PSG2: variants seen among roughly 807,000 people sequenced by gnomAD.
PSG2 encodes pregnancy-specific beta-1-glycoprotein 2.
PSG2 carries 49 observed loss-of-function variants against 36.2 expected under a neutral mutation model. The ratio of observed to expected loss-of-function variants is 1.35; its 90% CI spans 1.08 to 1.72. PSG2 has a LOEUF of 1.72. Ranked by LOEUF, PSG2 falls within the 40% of genes most tolerant of loss-of-function variation. PSG2 has a pLI of 0.00. For missense variants in PSG2, 605 were observed against 407.2 expected, an observed-to-expected ratio of 1.49 and a Z score of -4.18; for synonymous variants, 261 against 155.6, an observed-to-expected ratio of 1.68 and a Z score of -5.04.
chr19:43,067,372 G>T (rs567534507), intron 4 of PSG2, among the ~76,000 whole-genome samples: 12 of 150,556 alleles, frequency 8.0e-5, no homozygotes, highest in Non-Finnish European at 1.3e-4. Flanking sequence ...TTGATTCTTT[G>T]CCCTTAGCTT....
At chr19:43,080,053 T>C (rs1482423999) in intron 2 of PSG2, among the ~76,000 whole-genome samples, 1 of 151,772 alleles carries the variant, frequency 6.6e-6, no homozygotes, top group Non-Finnish European at 1.5e-5. Context: ...TCACTTGATC[T>C]AATGCTTGGC....
rs544617877 is a variant in PSG2, at chr19:43,075,536, G to A, written c.527C>T (p.Thr176Ile). 3.1e-6 allele frequency: 5 copies of A among 1,613,302 alleles called. No individual in the cohort carries two copies. The highest frequency in any genetic ancestry group is 2.2e-5 in the South Asian group (2 of 91,042). ...ILTCDPETPD[T>I]SYQWWMNGQS... ...ACCATTCATCCACCACTGGTAGCTT[G>A]TGTCCGGAGTCTCAGGATCACAGGT... is the stretch of plus-strand genomic sequence containing the variant. Residue 176 changes from threonine (T) to isoleucine (I), a missense_variant, in exon 3 of 6, where the codon ACA (threonine) becomes ATA (isoleucine). Physicochemically the swap from Thr to Ile is moderately conservative, Grantham distance 89. Transcript: ENST00000406487.
In PSG2 at chr19:43,071,817, C is replaced by T. The variant is rs1272804761; in HGVS notation, c.847G>A (p.Gly283Arg). The stretch of plus-strand genomic sequence containing the variant: ...ATTTGGGGGATAAACAGATTTTGTC[C>T]TGATTGCTGAAACTTCCCATTAATT... ...WTINGKFQQSGQNLFIPQITT... is the reference protein window; with the variant it reads ...WTINGKFQQSRQNLFIPQITT... Residue 283 changes from glycine (G) to arginine (R), a missense_variant, in exon 4 of 6, where the codon GGA becomes AGA. By Grantham distance (125) the Gly-to-Arg change is moderately radical (BLOSUM62 -2). Transcript: ENST00000406487. 1.9e-6 allele frequency: 3 copies of T among 1,613,112 alleles called. No homozygotes were observed. Among genetic ancestry groups the T allele is most frequent in the South Asian group, 2.2e-5 (2 of 91,036 alleles).
At chr19:43,080,378 A>T (rs1187617783) in intron 2 of PSG2, among the ~76,000 whole-genome samples, 6 of 151,780 alleles carry the variant, frequency 4.0e-5, no homozygotes, top group Admixed American at 6.6e-5. Context: ...CACAGTCCTC[A>T]GACAGCTGGT....
In PSG2 at chr19:43,073,842, G is replaced by T. The variant is rs1401110705; in HGVS notation, c.709+1512C>A. Among the ~76,000 whole-genome samples the T allele has an allele frequency of 2.0e-5, 3 of 151,694 alleles. 1 individual carries two copies. Among genetic ancestry groups the T allele is most frequent in the African/African-American group, 4.9e-5 (2 of 41,102 alleles). ...GTGTTTCGGATTTCTGACATTTTTTGATTCTGAAATATTTGTCATATACTT... is the reference window on the plus strand; with the variant it reads ...GTGTTTCGGATTTCTGACATTTTTTTATTCTGAAATATTTGTCATATACTT... On this transcript the variant is annotated intron_variant, in intron 3 of 5. Transcript: ENST00000406487.
Position 43,072,010 on chromosome 19 carries a change from C to T in PSG2, c.710-56G>A. The T allele has an allele frequency of 1.9e-6, 3 of 1,587,778 alleles. 1 individual carries two copies. The highest frequency in any genetic ancestry group is 2.3e-5 in the South Asian group (2 of 87,276). ...TGCCATCTGAGGGAAGGGGATGCTC[C>T]TGGTCTCTTAAAGGGACACAGTGAC... On this transcript the variant is annotated intron_variant, in intron 3 of 5. Transcript: ENST00000406487.
chr19:43,074,886 G>A (rs796964194), intron 3 of PSG2, among the ~76,000 whole-genome samples: 3 of 150,116 alleles, frequency 2.0e-5, no homozygotes, highest in African/African-American at 7.5e-5. Context: ...TGTGAGGCAG[G>A]AGAGCTTGGG....
At position 43,066,536 on chromosome 19, in the gene PSG2, A is replaced by T. The variant is rs200793275; in HGVS notation, c.*21T>A. The T allele has an allele frequency of 1.4e-3, 2,166 of 1,579,856 alleles. 26 individuals are homozygous for T. The highest frequency in any genetic ancestry group is 1.7e-3 in the Non-Finnish European group (2,004 of 1,149,794). On this transcript the variant is annotated 3_prime_UTR_variant, in exon 5 of 6. Transcript: ENST00000406487. ...TCATACCTGCCAGTCTTCCTGAAAT[A>T]CAGAAATGACATCACAGCTGCTATG...
At chr19:43,080,555 G>A (rs962839993) in intron 2 of PSG2, among the ~76,000 whole-genome samples, 7 of 151,778 alleles carry the variant, frequency 4.6e-5, no homozygotes, top group Middle Eastern at 3.4e-3. Context: ...GCCAAGCCCT[G>A]CTCAGTTCTC....
intron 3 of PSG2, among the ~76,000 whole-genome samples, chr19:43,073,636 A>T (rs942823015): frequency 6.6e-6 from 1 of 151,614 alleles, no homozygotes. Flanking sequence ...TGGATTCCAG[A>T]GTGAATATGA....
chr19:43,070,418 C>T (rs1967799337), intron 4 of PSG2, among the ~76,000 whole-genome samples: 1 of 151,610 alleles, frequency 6.6e-6, no homozygotes, highest in Non-Finnish European at 1.5e-5. Context: ...AAGCATTACT[C>T]ACACTAGCGA....
chr19:43,076,207 G>A (rs1453416089), intron 2 of PSG2, among the ~76,000 whole-genome samples: 1 of 151,674 alleles, frequency 6.6e-6, no homozygotes, highest in Non-Finnish European at 1.5e-5. Flanking sequence ...AGGCAGTGGA[G>A]CCACAAGGTG....
rs143255979 is a variant in PSG2, at chr19:43,080,970, C to A, written c.341G>T (p.Arg114Leu). 1.4e-5 allele frequency: 22 copies of A among 1,612,924 alleles called. No homozygotes were observed. The South Asian group carries it at 2.2e-4, about 16-fold the overall frequency. Reference protein sequence around the residue: ...NASLLIQNVTREDAGSYTLHI... With the variant: ...NASLLIQNVTLEDAGSYTLHI... ...TAAGGTGTAGGATCCTGCGTCCTCCCGGGTGACATTCTGGATCAGCAGGGA... is the reference window on the plus strand; with the variant it reads ...TAAGGTGTAGGATCCTGCGTCCTCCAGGGTGACATTCTGGATCAGCAGGGA... The change falls in exon 2 of 6, where the codon CGG (arginine) becomes CTG (leucine). Residue 114 changes from arginine to leucine, a missense_variant. Coordinates refer to ENST00000406487, the MANE Select transcript of PSG2 (RefSeq NM_031246.4).
chr19:43,072,039 C>G (rs1599706814), intron 3 of PSG2, 85 bp from the exon 4 acceptor site: 2 of 1,528,026 alleles, frequency 1.3e-6, no homozygotes, highest in African/African-American at 1.4e-5. Flanking sequence ...CAGTGACCCT[C>G]TGAGACAAGA....
intron 4 of PSG2, 92 bp downstream of exon 4, chr19:43,071,608 G>A (rs1967816817): frequency 1.2e-6 from 2 of 1,610,882 alleles, no homozygotes; most frequent in Non-Finnish European, 8.5e-7. Context: ...TGGGACACAG[G>A]CTGGGAATAA....
rs147255937 is a variant in PSG2 at position 43,065,026 on chromosome 19, G to C, written c.*41-425C>G. On this transcript the variant is annotated intron_variant, in intron 5 of 5. Transcript: ENST00000406487. ...TTGTTTTTGCATTTTTAGTAGAGAT[G>C]GGGTTTCACCGTGTTAACCAGGATG... Among the ~76,000 whole-genome samples the C allele has an allele frequency of 4.4e-3, 660 of 151,652 alleles. 21 individuals carry two copies. The highest frequency in any genetic ancestry group is 0.015 in the African/African-American group (621 of 41,116).
intron 3 of PSG2, chr19:43,072,724 C>T: frequency 6.4e-7 from 1 of 1,556,720 alleles, no homozygotes; most frequent in Non-Finnish European, 8.7e-7. Context: ...CACCTCTCAG[C>T]CCACCTGAGT....
chr19:43,081,137 C>A lies in PSG2; in HGVS notation c.174G>T (p.Leu58Phe), dbSNP rs148608529. Residue 58 changes from leucine (L) to phenylalanine (F), a missense_variant, in exon 2 of 6, where the codon TTG becomes TTT. Leu to Phe is a conservative substitution (Grantham distance 22). Coordinates refer to ENST00000406487, the MANE Select transcript of PSG2 (RefSeq NM_031246.4). ...AGATGTAGCCAGTAAGATTCTGGGGCAAATTGTGGACAAGTAGAAGAACAT... is the reference window on the plus strand; with the variant it reads ...AGATGTAGCCAGTAAGATTCTGGGGAAAATTGTGGACAAGTAGAAGAACAT... ...GKDVLLLVHN[L>F]PQNLTGYIWY... The A allele has an allele frequency of 9.1e-5, 147 of 1,612,780 alleles. 3 individuals are homozygous for A. The African/African-American group carries it at 1.6e-3, about 18-fold the overall frequency.
chr19:43,078,509 A>T (rs1379030968), intron 2 of PSG2, among the ~76,000 whole-genome samples: 1 of 151,672 alleles, frequency 6.6e-6, no homozygotes, highest in East Asian at 1.9e-4. Flanking sequence ...GGCTGACCTC[A>T]TCCATACCTA....
Sources: gnomAD v4.1 joint callset for allele counts (sites outside exome capture counted in the v4.1 genomes callset) on GRCh38, gnomAD v4.1.1 for gene constraint, MANE v1.5 for transcripts, NCBI Gene and HGNC (gene_info 2026-07-23, HGNC 2026-07-21) for gene names.